PEX5L: variants seen among roughly 807,000 people sequenced by gnomAD.
PEX5L encodes the protein peroxisomal biogenesis factor 5 like.
A neutral mutation model predicts 84.0 loss-of-function variants in PEX5L; 30 were observed. That is an observed-to-expected ratio of 0.36 (90% confidence interval 0.27 to 0.48). PEX5L has a LOEUF of 0.48. Among genes scored for constraint, PEX5L ranks in the 20% least tolerant of loss-of-function variants. The pLI, the probability that PEX5L is intolerant of heterozygous loss-of-function variation, is 0.99. For missense variants in PEX5L, 533 were observed against 754.6 expected, an observed-to-expected ratio of 0.71 and a Z score of 3.44; for synonymous variants, 270 against 283.1, an observed-to-expected ratio of 0.95 and a Z score of 0.46.
intron 1 of PEX5L, among the ~76,000 whole-genome samples, chr3:180,026,133 C>CTTTTT (rs368852075): frequency 7.7e-4 from 78 of 101,682 alleles, no homozygotes; most frequent in East Asian, 1.7e-3. Context: ...TTTCAGCATT[C>CTTTTT]TTTTTTTTTT....
chr3:179,908,823 A>G (rs1764175498), intron 2 of PEX5L, among the ~76,000 whole-genome samples: 3 of 152,168 alleles, frequency 2.0e-5, no homozygotes, highest in Admixed American at 6.5e-5. Context: ...GCTGCATAGT[A>G]TTCCATGGTG....
intron 8 of PEX5L, among the ~76,000 whole-genome samples, chr3:179,822,594 G>A (rs184293206): frequency 3.5e-4 from 53 of 152,272 alleles, no homozygotes; most frequent in African/African-American, 1.2e-3. Context: ...TACAATTAAC[G>A]CTGCTTCCTC....
chr3:179,956,901 GAT>G lies in PEX5L; in HGVS notation c.93+14691_93+14692del, dbSNP rs553102552. 1.0e-3 allele frequency among the ~76,000 whole-genome samples: 73 copies of G among 70,948 alleles called. 1 individual carries two copies. Among genetic ancestry groups the G allele is most frequent in the African/African-American group, 5.4e-3 (68 of 12,622 alleles). The allele number at this position is 70,948 out of a possible 152,430, so 46.5% of individuals were successfully genotyped here. A position where few individuals can be genotyped will look rare whatever the true frequency, so the allele number is the denominator to read the frequency against. ...TATGTCTAATCATAGTAATGTACAT[GAT>G]TTTTTTTTGCAATCCCTTCTTTTCC... On this transcript the variant is annotated intron_variant, in intron 2 of 14. Coordinates refer to ENST00000467460, the MANE Select transcript of PEX5L (RefSeq NM_016559.3).
At chr3:179,935,060 TAA>T (rs59755960) in intron 2 of PEX5L, among the ~76,000 whole-genome samples, 8 of 139,760 alleles carry the variant, frequency 5.7e-5, no homozygotes, top group Non-Finnish European at 6.3e-5. Flanking sequence ...ATATGAGAAT[TAA>T]AAAAAAAAAA....
chr3:179,943,583 G>T (rs1439991199), intron 2 of PEX5L, among the ~76,000 whole-genome samples: 1 of 152,234 alleles, frequency 6.6e-6, no homozygotes, highest in African/African-American at 2.4e-5. Flanking sequence ...CTCACTGGAA[G>T]CTAACTTTCT....
At chr3:179,982,970 T>G (rs1786471019) in intron 1 of PEX5L, among the ~76,000 whole-genome samples, 1 of 152,102 alleles carries the variant, frequency 6.6e-6, no homozygotes, top group African/African-American at 2.4e-5. Flanking sequence ...GTGTACCTAT[T>G]ACATTGTAGG....
chr3:179,929,270 G>A (rs1484685373), intron 2 of PEX5L, among the ~76,000 whole-genome samples: 1 of 152,112 alleles, frequency 6.6e-6, no homozygotes, highest in Non-Finnish European at 1.5e-5. Context: ...AGTCAGTTCT[G>A]TGCAAGTGGT....
intron 9 of PEX5L, 73 bp from the exon 10 acceptor site, chr3:179,816,077 T>C: frequency 6.7e-7 from 1 of 1,481,892 alleles, no homozygotes; most frequent in Non-Finnish European, 9.3e-7. Context: ...TAAGTTCTCA[T>C]TAAAAAGTCA....
chr3:179,966,875 C>T (rs555928786), intron 2 of PEX5L, among the ~76,000 whole-genome samples: 1 of 152,296 alleles, frequency 6.6e-6, no homozygotes, highest in South Asian at 2.1e-4. Context: ...TATGTGTTGT[C>T]TCTTCCCAGG....
intron 3 of PEX5L, 136 bp from the exon 4 acceptor site, chr3:179,887,920 G>A (rs1236648456): frequency 2.9e-6 from 2 of 689,360 alleles, no homozygotes; most frequent in Admixed American, 5.3e-5. Flanking sequence ...ATAATGGGGT[G>A]GGGGCAAGAA....
At chr3:179,910,611 T>C (rs965069090) in intron 2 of PEX5L, among the ~76,000 whole-genome samples, 2 of 152,206 alleles carry the variant, frequency 1.3e-5, no homozygotes, top group African/African-American at 4.8e-5. Context: ...AGTATCTCTG[T>C]AGCATATTCT....
Position 180,001,385 on chromosome 3 carries a change from C to G in PEX5L, c.22-29720G>C, listed in dbSNP as rs150501948. Among the ~76,000 whole-genome samples the G allele has an allele frequency of 8.8e-5, 13 of 147,548 alleles. 1 individual carries two copies. Among genetic ancestry groups the G allele is most frequent in the African/African-American group, 2.7e-4 (11 of 40,148 alleles). On this transcript the variant is annotated intron_variant, in intron 1 of 14. Transcript: ENST00000467460. ...ATATATAGAAGATATATATATATAT[C>G]ATATTAGTTCTGTTTCTCTAGAGAA...
chr3:179,833,379 C>T (rs1733832785), intron 8 of PEX5L, among the ~76,000 whole-genome samples: 1 of 152,162 alleles, frequency 6.6e-6, no homozygotes, highest in Non-Finnish European at 1.5e-5. Flanking sequence ...ATAACCAGGG[C>T]CAGAACCCAC....
At position 179,886,748 on chromosome 3, in the gene PEX5L, G is replaced by A. The variant is rs73060709; in HGVS notation, c.310+925C>T. On this transcript the variant is annotated intron_variant, in intron 4 of 14. Transcript: ENST00000467460. ...ATTTTTGGCATTTTGGAAAAATCAC[G>A]ATTTCCTTCTCCTGTGATTTTATTC... Among the ~76,000 whole-genome samples the A allele has an allele frequency of 3.0e-3, 460 of 152,176 alleles. 4 individuals carry two copies. Among genetic ancestry groups the A allele is most frequent in the African/African-American group, 0.01 (422 of 41,504 alleles).
intron 7 of PEX5L, among the ~76,000 whole-genome samples, chr3:179,863,997 G>T (rs1747235076): frequency 6.6e-6 from 1 of 151,980 alleles, no homozygotes; most frequent in Admixed American, 6.6e-5. Context: ...TTATAAGGGG[G>T]AGTTTCCCTG....
In PEX5L at chr3:179,897,681, T is replaced by A. The variant is rs141346983; in HGVS notation, c.198+461A>T. Reference sequence around the variant, plus strand: ...AATATGTATAGACATATATGTAGTATGCATAGTCACAACATAAATATATTT... The same window carrying A: ...AATATGTATAGACATATATGTAGTAAGCATAGTCACAACATAAATATATTT... On this transcript the variant is annotated intron_variant, in intron 3 of 14. Transcript: ENST00000467460. 4.6e-5 allele frequency among the ~76,000 whole-genome samples: 7 copies of A among 152,262 alleles called. No individual in the cohort carries two copies. In the East Asian group the frequency reaches 1.2e-3, roughly 25 times the overall value.
chr3:179,927,787 A>G (rs1030347843), intron 2 of PEX5L, among the ~76,000 whole-genome samples: 2 of 152,176 alleles, frequency 1.3e-5, no homozygotes, highest in Admixed American at 1.3e-4. Context: ...TTTGGTTTTC[A>G]TCTTATGAGA....
chr3:179,914,720 G>A (rs1766413125), intron 2 of PEX5L, among the ~76,000 whole-genome samples: 1 of 152,224 alleles, frequency 6.6e-6, no homozygotes, highest in Non-Finnish European at 1.5e-5. Context: ...GCAAAGACAA[G>A]GGATGGTGAT....
chr3:179,804,640 G>C (rs1310089007), intron 14 of PEX5L, among the ~76,000 whole-genome samples: 1 of 152,178 alleles, frequency 6.6e-6, no homozygotes, highest in Non-Finnish European at 1.5e-5. Context: ...AGCAGCAAAT[G>C]TTACAGCTAC....
Sources: gnomAD v4.1 joint callset for allele counts (sites outside exome capture counted in the v4.1 genomes callset) on GRCh38, gnomAD v4.1.1 for gene constraint, MANE v1.5 for transcripts, NCBI Gene and HGNC (gene_info 2026-07-23, HGNC 2026-07-21) for gene names.